Variants in ANKS1B observed in about 807,000 individuals in gnomAD.
ANKS1B encodes ankyrin repeat and sterile alpha motif domain-containing protein 1B.
Under a neutral mutation model 148.3 loss-of-function variants are expected in ANKS1B, and 36 were observed. The ratio of observed to expected loss-of-function variants is 0.24; its 90% CI spans 0.19 to 0.32. The LOEUF (loss-of-function observed/expected upper bound fraction) is 0.32. Ranked by LOEUF, ANKS1B falls within the 10% of genes least tolerant of loss-of-function variation. The pLI is 1.00. For missense variants in ANKS1B, 1,157 were observed against 1,542.6 expected (o/e 0.75, Z 4.19); for synonymous variants, 542 against 560.8 (o/e 0.97, Z 0.47).
Position 99,897,329 on chromosome 12 carries a change from C to T in ANKS1B, c.135-71940G>A, listed in dbSNP as rs954957131. Among the ~76,000 whole-genome samples, 11 of 151,010 alleles carry T rather than the reference C, an allele frequency of 7.3e-5. 1 individual carries two copies. The highest frequency in any genetic ancestry group is 1.3e-4 in the Admixed American group (2 of 15,138). ...GCATCTAACTGAAAATTGTTACTTT[C>T]ATTGTACACAAAATGAGTATATGTG... On this transcript the variant is annotated intron_variant, in intron 1 of 26. Transcript: ENST00000683438.
chr12:99,316,174 C>T (rs900993512), intron 12 of ANKS1B, among the ~76,000 whole-genome samples: 7 of 152,056 alleles, frequency 4.6e-5, no homozygotes, highest in Non-Finnish European at 5.9e-5. Context: ...ATAATCATTT[C>T]GGTATATACC....
chr12:99,154,979 C>T (rs201535016), intron 14 of ANKS1B: 9 of 1,535,376 alleles, frequency 5.9e-6, no homozygotes, highest in East Asian at 2.4e-5. Flanking sequence ...CCCATCCAAG[C>T]GTCAATCTTG....
At chr12:99,535,861 G>C (rs1022650431) in intron 9 of ANKS1B, among the ~76,000 whole-genome samples, 6 of 152,082 alleles carry the variant, frequency 3.9e-5, no homozygotes, top group African/African-American at 1.4e-4. Flanking sequence ...ATCCATCAAG[G>C]ATTTATTCAA....
At chr12:99,651,762 T>C (rs1410089163) in intron 9 of ANKS1B, among the ~76,000 whole-genome samples, 2 of 152,074 alleles carry the variant, frequency 1.3e-5, no homozygotes, top group Non-Finnish European at 2.9e-5. Context: ...AATCAAAGTT[T>C]AAGAGATAAT....
chr12:99,313,688 G>A (rs576936780), intron 12 of ANKS1B, among the ~76,000 whole-genome samples: 7 of 152,274 alleles, frequency 4.6e-5, no homozygotes, highest in African/African-American at 1.7e-4. Context: ...CTCAGTAGGT[G>A]CAGAAAAGGC....
intron 1 of ANKS1B, among the ~76,000 whole-genome samples, chr12:99,932,381 A>G (rs1200462760): frequency 3.3e-5 from 5 of 152,152 alleles, no homozygotes; most frequent in African/African-American, 1.2e-4. Flanking sequence ...ACTAATTTAC[A>G]TTCCCACCAA....
At chr12:99,635,756 C>T (rs559896850) in intron 9 of ANKS1B, among the ~76,000 whole-genome samples, 12 of 152,000 alleles carry the variant, frequency 7.9e-5, no homozygotes, top group East Asian at 1.9e-4. Context: ...TTCTATGTTA[C>T]GTGTATCTTC....
intron 17 of ANKS1B, among the ~76,000 whole-genome samples, chr12:98,874,420 C>T (rs924287968): frequency 9.2e-5 from 14 of 152,234 alleles, no homozygotes; most frequent in African/African-American, 2.9e-4. Flanking sequence ...TTTGGGAGAA[C>T]GTCTCACACA....
chr12:99,684,734 C>T (rs978021793), intron 8 of ANKS1B, among the ~76,000 whole-genome samples: 8 of 152,024 alleles, frequency 5.3e-5, no homozygotes, highest in Non-Finnish European at 1.0e-4. Context: ...AATAGGCACA[C>T]AGGCCAATGG....
intron 13 of ANKS1B, among the ~76,000 whole-genome samples, chr12:99,244,854 A>G (rs2089995584): frequency 6.6e-6 from 1 of 152,044 alleles, no homozygotes; most frequent in Admixed American, 6.6e-5. Context: ...CACAGGAGCA[A>G]AGTTTTCTGT....
chr12:99,041,297 C>T (rs765825845), intron 17 of ANKS1B, among the ~76,000 whole-genome samples: 31 of 151,876 alleles, frequency 2.0e-4, no homozygotes, highest in Middle Eastern at 3.2e-3. Context: ...CCACTCTGAG[C>T]GAAGAGTGGA....
intron 8 of ANKS1B, among the ~76,000 whole-genome samples, chr12:99,669,665 C>T (rs1174375834): frequency 6.6e-6 from 1 of 152,056 alleles, no homozygotes. Context: ...TTTTCTTTTT[C>T]TGTCTTCATG....
At chr12:99,413,505 A>T (rs2094789795) in intron 11 of ANKS1B, among the ~76,000 whole-genome samples, 1 of 152,184 alleles carries the variant, frequency 6.6e-6, no homozygotes, top group Non-Finnish European at 1.5e-5. Flanking sequence ...TGATTTTTTT[A>T]AAAATCTACA....
At chr12:98,803,410 A>C (rs951130945) in intron 20 of ANKS1B, among the ~76,000 whole-genome samples, 1 of 152,154 alleles carries the variant, frequency 6.6e-6, no homozygotes, top group African/African-American at 2.4e-5. Context: ...AGCAACAACA[A>C]CACGGCAAAC....
At chr12:98,934,452 C>T (rs949983836) in intron 17 of ANKS1B, among the ~76,000 whole-genome samples, 8 of 151,868 alleles carry the variant, frequency 5.3e-5, no homozygotes, top group Admixed American at 5.2e-4. Context: ...TTTCTTCTTT[C>T]TCAAGATTGA....
Position 99,399,639 on chromosome 12 carries a change from T to G in ANKS1B, c.1748A>C (p.Asn583Thr). ...AAAGTGAACTGCTTTACCTGTATGG[T>G]TAGTTCCCTCATTCTTGACTTCTGT... ...GTTEVKNEGTNHTDDLSRQDD... is the reference protein window; with the variant it reads ...GTTEVKNEGTTHTDDLSRQDD... Residue 583 changes from asparagine to threonine, a missense_variant, in exon 12 of 27, where the codon AAC (asparagine) becomes ACC (threonine). By Grantham distance (65) the Asn-to-Thr change is moderately conservative. Coordinates refer to ENST00000683438, the MANE Select transcript of ANKS1B (RefSeq NM_001352186.2). 1 of 1,613,214 alleles carries G rather than the reference T, an allele frequency of 6.2e-7. No homozygotes were observed. Among genetic ancestry groups the G allele is most frequent in the East Asian group, 2.2e-5 (1 of 44,870 alleles).
chr12:99,532,935 G>A (rs2097016937), intron 9 of ANKS1B, among the ~76,000 whole-genome samples: 1 of 152,138 alleles, frequency 6.6e-6, no homozygotes, highest in Non-Finnish European at 1.5e-5. Context: ...TAGCCCTGTA[G>A]TATAACATGA....
At chr12:99,057,558 T>C (rs766927520) in intron 16 of ANKS1B, among the ~76,000 whole-genome samples, 2 of 152,216 alleles carry the variant, frequency 1.3e-5, no homozygotes, top group Non-Finnish European at 2.9e-5. Flanking sequence ...TTTAGAAACA[T>C]ATCTAACGAG....
At chr12:98,955,438 T>TA (rs1475037556) in intron 17 of ANKS1B, among the ~76,000 whole-genome samples, 1 of 152,032 alleles carries the variant, frequency 6.6e-6, no homozygotes, top group Non-Finnish European at 1.5e-5. Flanking sequence ...TGAGGTCAGA[T>TA]ATTACATCTC....
Sources: allele counts gnomAD v4.1 joint callset (sites outside exome capture counted in the v4.1 genomes callset), GRCh38; gene constraint gnomAD v4.1.1; transcripts MANE v1.5; gene names NCBI Gene and HGNC (gene_info 2026-07-23, HGNC 2026-07-21).